RBFOX1: variants seen among roughly 807,000 people sequenced by gnomAD.
RBFOX1 encodes RNA binding protein fox-1 homolog 1.
A neutral mutation model predicts 57.7 loss-of-function variants in RBFOX1; 8 were observed. The observed-to-expected ratio is 0.14, with a 90% confidence interval of 0.08 to 0.25. The LOEUF is 0.25. RBFOX1 is among the 10% of genes least tolerant of loss of function. The pLI, the probability that RBFOX1 is intolerant of heterozygous loss-of-function variation, is 1.00. For missense variants in RBFOX1, 611 were observed against 548.5 expected (o/e 1.11, Z -1.14); for synonymous variants, 326 against 222.4 (o/e 1.47, Z -4.15).
At chr16:7,664,012 T>C (rs1023305949) in intron 12 of RBFOX1, among the ~76,000 whole-genome samples, 2 of 152,122 alleles carry the variant, frequency 1.3e-5, no homozygotes, top group Admixed American at 6.6e-5. Flanking sequence ...ACTACATGGG[T>C]GGCAATCAGA....
At chr16:7,039,948 T>C (rs934136403) in intron 3 of RBFOX1, among the ~76,000 whole-genome samples, 1 of 152,114 alleles carries the variant, frequency 6.6e-6, no homozygotes, top group African/African-American at 2.4e-5. Flanking sequence ...GCTTTTGTTT[T>C]GTTTTTCAAG....
intron 4 of RBFOX1, among the ~76,000 whole-genome samples, chr16:5,872,452 TG>T (rs1212959767): frequency 1.3e-5 from 2 of 152,202 alleles, no homozygotes; most frequent in African/African-American, 4.8e-5. Context: ...AATGCCTGGC[TG>T]GGCATGGTGG....
At chr16:6,273,087 C>G (rs1025519337) in intron 1 of RBFOX1, among the ~76,000 whole-genome samples, 1 of 151,784 alleles carries the variant, frequency 6.6e-6, no homozygotes, top group Non-Finnish European at 1.5e-5. Flanking sequence ...TGGTGAAACC[C>G]CTTCTCTACT....
chr16:7,575,058 G>T (rs1269217559), intron 5 of RBFOX1, among the ~76,000 whole-genome samples: 2 of 150,388 alleles, frequency 1.3e-5, no homozygotes, highest in African/African-American at 2.4e-5. Context: ...TTTGGGGGGG[G>T]CTGTGGGGGA....
chr16:6,955,349 C>CAT (rs1555675596), intron 3 of RBFOX1, among the ~76,000 whole-genome samples: 1 of 14,348 alleles, frequency 7.0e-5, no homozygotes, highest in Non-Finnish European at 1.4e-4. Context: ...CCCACATATG[C>CAT]ACACACACAC....
intron 4 of RBFOX1, among the ~76,000 whole-genome samples, chr16:7,212,890 T>G (rs539735489): frequency 4.6e-5 from 7 of 152,300 alleles, no homozygotes; most frequent in African/African-American, 1.4e-4. Flanking sequence ...GTGCTGGTGT[T>G]GATGAAGGCA....
chr16:7,116,809 T>TAGGC (rs2065999803), intron 4 of RBFOX1, among the ~76,000 whole-genome samples: 2 of 152,066 alleles, frequency 1.3e-5, no homozygotes, highest in African/African-American at 4.8e-5. Flanking sequence ...TGCAGAGGCA[T>TAGGC]ATAACAGCAC....
intron 2 of RBFOX1, among the ~76,000 whole-genome samples, chr16:6,556,867 TGAG>T (rs2097104960): frequency 1.3e-5 from 2 of 151,858 alleles, no homozygotes; most frequent in Admixed American, 6.6e-5. Flanking sequence ...GACTGTCTTC[TGAG>T]GAGAAGTAGA....
chr16:6,550,751 G>C (rs545438075), intron 2 of RBFOX1, among the ~76,000 whole-genome samples: 104 of 152,294 alleles, frequency 6.8e-4, no homozygotes, highest in South Asian at 2.5e-3. Context: ...ACCTACTTCA[G>C]TTTTAGTTTC....
intron 4 of RBFOX1, among the ~76,000 whole-genome samples, chr16:7,377,886 A>G (rs1307537669): frequency 1.3e-5 from 2 of 152,210 alleles, no homozygotes; most frequent in Non-Finnish European, 2.9e-5. Flanking sequence ...TAGGAGATTG[A>G]TGCTCCCATA....
intron 4 of RBFOX1, among the ~76,000 whole-genome samples, chr16:7,103,981 C>T (rs1354153670): frequency 6.6e-6 from 1 of 152,070 alleles, no homozygotes; most frequent in African/African-American, 2.4e-5. Flanking sequence ...CAACTTGCTC[C>T]CTATTATTAA....
chr16:6,823,112 A>G (rs2091586332), intron 3 of RBFOX1, among the ~76,000 whole-genome samples: 2 of 152,160 alleles, frequency 1.3e-5, no homozygotes, highest in South Asian at 4.1e-4. Context: ...AGAGGGTCAT[A>G]GCCATTTTAT....
chr16:5,829,074 A>T (rs185316793), intron 3 of RBFOX1, among the ~76,000 whole-genome samples: 3 of 152,254 alleles, frequency 2.0e-5, no homozygotes, highest in Non-Finnish European at 4.4e-5. Flanking sequence ...GCTGCATTCT[A>T]TTCTTTAGAG....
chr16:6,272,249 C>G (rs1415827474), intron 1 of RBFOX1, among the ~76,000 whole-genome samples: 1 of 152,088 alleles, frequency 6.6e-6, no homozygotes, highest in Non-Finnish European at 1.5e-5. Flanking sequence ...ATTCAACACC[C>G]ATTCATGGCA....
intron 1 of RBFOX1, among the ~76,000 whole-genome samples, chr16:6,297,118 G>A (rs1212290430): frequency 1.3e-5 from 2 of 152,168 alleles, no homozygotes; most frequent in Non-Finnish European, 2.9e-5. Context: ...TGGGAGTGTA[G>A]CGGTGAGGAC....
intron 3 of RBFOX1, among the ~76,000 whole-genome samples, chr16:5,611,932 C>G (rs936748026): frequency 6.6e-6 from 1 of 151,606 alleles, no homozygotes; most frequent in Non-Finnish European, 1.5e-5. Context: ...ATTAGACAAG[C>G]CTGGGCAACA....
At chr16:6,138,874 T>G (rs1445399317) in intron 1 of RBFOX1, among the ~76,000 whole-genome samples, 5 of 152,020 alleles carry the variant, frequency 3.3e-5, no homozygotes, top group African/African-American at 9.6e-5. Context: ...CTCAAATAAA[T>G]AAATACGTAA....
intron 3 of RBFOX1, among the ~76,000 whole-genome samples, chr16:6,911,652 C>A (rs1021429481): frequency 2.6e-5 from 4 of 152,176 alleles, no homozygotes; most frequent in African/African-American, 7.2e-5. Flanking sequence ...GCTTCAACAT[C>A]TTTTGGTGGG....
intron 3 of RBFOX1, among the ~76,000 whole-genome samples, chr16:6,965,624 A>C (rs951261136): frequency 6.6e-6 from 1 of 152,222 alleles, no homozygotes. Flanking sequence ...GGCATGAGCC[A>C]CTGCGCCTGG....
Sources: allele counts gnomAD v4.1 joint callset (sites outside exome capture counted in the v4.1 genomes callset), GRCh38; gene constraint gnomAD v4.1.1; transcripts MANE v1.5; gene names NCBI Gene and HGNC (gene_info 2026-07-23, HGNC 2026-07-21).